Variants in CTNNA2 observed in about 807,000 individuals in gnomAD.
The protein encoded by CTNNA2 is catenin alpha-2.
In CTNNA2, 42 loss-of-function variants were observed where a neutral mutation model predicts 101.0. The ratio of observed to expected loss-of-function variants is 0.42; its 90% CI spans 0.32 to 0.54. The LOEUF is 0.54. Among genes scored for constraint, CTNNA2 ranks in the 20% least tolerant of loss-of-function variants. The probability of loss-of-function intolerance (pLI) is 0.14; values close to 1 mark genes in which losing one functional copy is unlikely to be tolerated. For synonymous variants in CTNNA2, 450 were observed against 456.4 expected (o/e 0.99, Z 0.18); for missense variants, 871 against 1,223.1 (o/e 0.71, Z 4.29).
At chr2:79,313,451 A>T (rs149672727) in intron 3 of CTNNA2, among the ~76,000 whole-genome samples, 1 of 152,186 alleles carries the variant, frequency 6.6e-6, no homozygotes, top group African/African-American at 2.4e-5. Context: ...ATACTGGTAT[A>T]GTTACTATTT....
At chr2:79,563,159 GTGTATATATATATATATATATATATATA>G (rs1478920375) in intron 1 of CTNNA2, among the ~76,000 whole-genome samples, 2 of 38,852 alleles carry the variant, frequency 5.1e-5, no homozygotes, top group African/African-American at 1.6e-4. Context: ...TAATAAAGAT[GTGTATATATATATATATATATATATATA>G]TTTTCCTTCA....
chr2:80,215,595 A>G (rs892204437), intron 7 of CTNNA2, among the ~76,000 whole-genome samples: 1 of 152,170 alleles, frequency 6.6e-6, no homozygotes, highest in Non-Finnish European at 1.5e-5. Flanking sequence ...AGAATGGCAA[A>G]TGTTGCTGCC....
At chr2:80,000,510 C>A (rs954382878) in intron 7 of CTNNA2, among the ~76,000 whole-genome samples, 12 of 152,162 alleles carry the variant, frequency 7.9e-5, no homozygotes, top group African/African-American at 2.9e-4. Flanking sequence ...AAAACTCTTT[C>A]TCTGCAATTT....
At chr2:80,602,499 C>A (rs944863102) in intron 15 of CTNNA2, among the ~76,000 whole-genome samples, 18 of 151,984 alleles carry the variant, frequency 1.2e-4, no homozygotes, top group African/African-American at 4.3e-4. Flanking sequence ...GATGAAGTTA[C>A]AACAAATATT....
At chr2:79,583,777 A>G (rs754045119) in intron 1 of CTNNA2, among the ~76,000 whole-genome samples, 3 of 152,182 alleles carry the variant, frequency 2.0e-5, no homozygotes, top group Non-Finnish European at 4.4e-5. Context: ...CCTAATTACT[A>G]ATGACTTGGA....
At chr2:80,274,360 T>C (rs545794255) in intron 7 of CTNNA2, among the ~76,000 whole-genome samples, 1 of 152,170 alleles carries the variant, frequency 6.6e-6, no homozygotes, top group Non-Finnish European at 1.5e-5. Context: ...ATAGCAATAG[T>C]CTTCGTGCTG....
intron 1 of CTNNA2, among the ~76,000 whole-genome samples, chr2:79,543,907 A>G (rs1673570811): frequency 6.6e-6 from 1 of 152,220 alleles, no homozygotes; most frequent in South Asian, 2.1e-4. Flanking sequence ...TTCTTGGACA[A>G]GGGAAGAGTT....
chr2:80,097,143 A>G (rs1402651180), intron 7 of CTNNA2, among the ~76,000 whole-genome samples: 1 of 152,144 alleles, frequency 6.6e-6, no homozygotes, highest in African/African-American at 2.4e-5. Context: ...AGTGGCTGGT[A>G]CCGGTTGTTC....
intron 7 of CTNNA2, among the ~76,000 whole-genome samples, chr2:79,963,553 A>T (rs1689814041): frequency 6.6e-6 from 1 of 152,160 alleles, no homozygotes; most frequent in Admixed American, 6.5e-5. Context: ...ACCAACAGGA[A>T]TCCAACTGCC....
At chr2:80,601,325 G>T (rs1697492216) in intron 15 of CTNNA2, among the ~76,000 whole-genome samples, 1 of 151,522 alleles carries the variant, frequency 6.6e-6, no homozygotes, top group Non-Finnish European at 1.5e-5. Context: ...TATTCTGGAA[G>T]AGTTTAAATA....
intron 3 of CTNNA2, among the ~76,000 whole-genome samples, chr2:79,745,705 A>G (rs954377790): frequency 2.0e-5 from 3 of 152,082 alleles, no homozygotes; most frequent in South Asian, 2.1e-4. Context: ...TGACTGGCTT[A>G]TTTCACTTAG....
rs112204189 is a variant in CTNNA2 at position 79,661,092 on chromosome 2, G to T, written c.102+9434G>T. Among the ~76,000 whole-genome samples, 495 of 152,290 alleles carry T rather than the reference G, an allele frequency of 3.3e-3. 3 individuals carry two copies. Among genetic ancestry groups the T allele is most frequent in the African/African-American group, 0.011 (446 of 41,556 alleles). On this transcript the variant is annotated intron_variant, in intron 2 of 18. Transcript: ENST00000402739. Reference sequence around the variant, plus strand: ...GTGTTTGGTGAACACACACCACCCTGTGCCATGTGATAAGTCACTTCTTTC... The same window carrying T: ...GTGTTTGGTGAACACACACCACCCTTTGCCATGTGATAAGTCACTTCTTTC...
At chr2:79,950,912 G>A (rs1337005659) in intron 7 of CTNNA2, among the ~76,000 whole-genome samples, 1 of 113,076 alleles carries the variant, frequency 8.8e-6, no homozygotes, top group Admixed American at 9.9e-5. Flanking sequence ...ATCATTTGTA[G>A]AGTCAGTCTA....
At chr2:80,619,374 C>T in intron 18 of CTNNA2, 146 bp downstream of exon 18, 1 of 852,866 alleles carries the variant, frequency 1.2e-6, no homozygotes, top group Non-Finnish European at 1.6e-6. Flanking sequence ...CTTATTTATT[C>T]TTTATGTGGG....
chr2:80,536,932 C>T (rs1446566016), intron 9 of CTNNA2, among the ~76,000 whole-genome samples: 1 of 152,164 alleles, frequency 6.6e-6, no homozygotes, highest in African/African-American at 2.4e-5. Flanking sequence ...TTTACTTTAA[C>T]TTCTGGGATA....
intron 4 of CTNNA2, among the ~76,000 whole-genome samples, chr2:79,467,223 G>A (rs1477606254): frequency 6.6e-6 from 1 of 152,184 alleles, no homozygotes; most frequent in African/African-American, 2.4e-5. Flanking sequence ...AGAACTACAT[G>A]ACAAATGCAC....
intron 9 of CTNNA2, among the ~76,000 whole-genome samples, chr2:80,541,859 A>T (rs896388934): frequency 2.4e-5 from 2 of 83,340 alleles, no homozygotes; most frequent in Non-Finnish European, 5.3e-5. Flanking sequence ...AGCTGTTGAT[A>T]TAATACTTTG....
At chr2:80,456,464 C>T (rs78552899) in intron 9 of CTNNA2, among the ~76,000 whole-genome samples, 2,854 of 152,204 alleles carry the variant, frequency 0.019, 102 homozygotes, top group South Asian at 0.12. Context: ...AGGGAGCAGG[C>T]GGGATAGTGA....
chr2:80,442,194 T>C (rs1682651375), intron 9 of CTNNA2, among the ~76,000 whole-genome samples: 1 of 152,194 alleles, frequency 6.6e-6, no homozygotes. Flanking sequence ...TCTAAGTGAT[T>C]CCCCTTTAGG....
Sources: allele counts gnomAD v4.1 joint callset (sites outside exome capture counted in the v4.1 genomes callset), GRCh38; gene constraint gnomAD v4.1.1; transcripts MANE v1.5; gene names NCBI Gene and HGNC (gene_info 2026-07-23, HGNC 2026-07-21).